The following ZFP2 variants were observed in gnomAD, a reference collection of about 807,000 sequenced individuals.
ZFP2 encodes zinc finger protein ZFP2.
In ZFP2, 33 loss-of-function variants were observed where a neutral mutation model predicts 36.1. The observed-to-expected ratio is 0.92, with a 90% CI of 0.69 to 1.22. The LOEUF is 1.22. ZFP2 is among the 50% of genes most tolerant of loss of function. The pLI is 0.00. For synonymous variants in ZFP2, 170 were observed against 178.0 expected (o/e 0.96, Z 0.36); for missense variants, 522 against 551.4 (o/e 0.95, Z 0.53).
intron 1 of ZFP2, among the ~76,000 whole-genome samples, chr5:178,906,931 G>A (rs2113066058): frequency 6.6e-6 from 1 of 151,076 alleles, no homozygotes; most frequent in South Asian, 2.1e-4. Context: ...CCAAAGTGTT[G>A]GAAGCTGAAC....
At chr5:178,896,493 G>T (rs1757943591) in intron 1 of ZFP2, among the ~76,000 whole-genome samples, 1 of 152,164 alleles carries the variant, frequency 6.6e-6, no homozygotes, top group Admixed American at 6.5e-5. Flanking sequence ...GTGTAAACCG[G>T]GTCTCCGGAC....
chr5:178,926,817 C>T (rs1418106701), intron 4 of ZFP2, among the ~76,000 whole-genome samples: 2 of 152,146 alleles, frequency 1.3e-5, no homozygotes, highest in African/African-American at 4.8e-5. Context: ...CACGCCCGGC[C>T]ACCTGCTGGT....
rs1185309492 is a variant in ZFP2 at position 178,922,925 on chromosome 5, T to G, written c.-78+6215T>G. ...AGTATTTATAATAGAAAAAAAAATA[T>G]TGAAAGCTATATAATTTCCTCTAAG... On this transcript the variant is annotated intron_variant, in intron 4 of 4. Transcript: ENST00000361362. 1.3e-5 allele frequency among the ~76,000 whole-genome samples: 2 copies of G among 149,510 alleles called. 1 individual carries two copies. The highest frequency in any genetic ancestry group is 3.0e-5 in the Non-Finnish European group (2 of 66,618).
chr5:178,922,497 A>G (rs1465487142), intron 4 of ZFP2: 5 of 1,372,578 alleles, frequency 3.6e-6, no homozygotes, highest in Admixed American at 1.7e-5. Context: ...TTCAGTAGAA[A>G]TGGAGTTACA....
In ZFP2 at chr5:178,920,631, C is replaced by G. The variant is rs749854723; in HGVS notation, c.-78+3921C>G. On this transcript the variant is annotated intron_variant, in intron 4 of 4. Transcript: ENST00000361362. ...CAGCTTGGGCAACAGAGTGAGACTT[C>G]GTCTCAAAAAAAAAAAAAAAATTGT... is the stretch of plus-strand genomic sequence containing the variant. Among the ~76,000 whole-genome samples the G allele has an allele frequency of 2.1e-5, 3 of 145,788 alleles. No individual in the cohort carries two copies. In the East Asian group the frequency reaches 6.0e-4, roughly 29 times the overall value.
intron 4 of ZFP2, among the ~76,000 whole-genome samples, chr5:178,920,562 G>T (rs140354184): frequency 2.0e-5 from 3 of 151,926 alleles, no homozygotes; most frequent in Non-Finnish European, 4.4e-5. Context: ...GCTTGAACCC[G>T]GGAGGTAGAG....
intron 1 of ZFP2, among the ~76,000 whole-genome samples, chr5:178,896,252 GC>G (rs1757934481): frequency 1.3e-5 from 2 of 152,212 alleles, no homozygotes; most frequent in African/African-American, 4.8e-5. Flanking sequence ...TGGAATCACA[GC>G]CCCGGAGCAG....
chr5:178,926,523 C>CT (rs34847670), intron 4 of ZFP2, among the ~76,000 whole-genome samples: 31,903 of 146,966 alleles, frequency 0.22, 3,603 homozygotes, highest in Non-Finnish European at 0.24. Flanking sequence ...CTGGTATTTT[C>CT]TTTTTTTTTT....
intron 4 of ZFP2, among the ~76,000 whole-genome samples, chr5:178,930,314 C>CTTTTTTTTTTTTTTTTTT (rs990713790): frequency 2.1e-4 from 15 of 71,324 alleles, no homozygotes; most frequent in Middle Eastern, 0.014. Context: ...TTTCCCTTTC[C>CTTTTTTTTTTTTTTTTTT]TTTTTTTTTT....
intron 4 of ZFP2, among the ~76,000 whole-genome samples, chr5:178,929,926 A>G (rs973295954): frequency 6.5e-5 from 9 of 138,076 alleles, no homozygotes; most frequent in Middle Eastern, 3.6e-3. Flanking sequence ...GCATAGTGCC[A>G]GCATCTGCTT....
intron 1 of ZFP2, among the ~76,000 whole-genome samples, chr5:178,900,538 C>A (rs35281641): frequency 1.1e-4 from 5 of 43,654 alleles, no homozygotes; most frequent in Non-Finnish European, 2.2e-4. Flanking sequence ...CCCCAGCCAG[C>A]CAGTGTCCTC....
At chr5:178,923,762 CT>C (rs1260775355) in intron 4 of ZFP2, among the ~76,000 whole-genome samples, 1 of 133,350 alleles carries the variant, frequency 7.5e-6, no homozygotes, top group African/African-American at 2.7e-5. Context: ...TTTTTTTTTT[CT>C]TTCGTAAGCA....
At chr5:178,905,233 T>C (rs552040325) in intron 1 of ZFP2, among the ~76,000 whole-genome samples, 1 of 152,334 alleles carries the variant, frequency 6.6e-6, no homozygotes, top group Admixed American at 6.5e-5. Flanking sequence ...AAATGATACT[T>C]TATTCTATTC....
At chr5:178,899,678 C>T (rs991107153) in intron 1 of ZFP2, among the ~76,000 whole-genome samples, 1 of 151,866 alleles carries the variant, frequency 6.6e-6, no homozygotes, top group Non-Finnish European at 1.5e-5. Context: ...AAGTAGTGTC[C>T]GTGAGATGGA....
At chr5:178,898,454 T>C (rs1295868902) in intron 1 of ZFP2, among the ~76,000 whole-genome samples, 1 of 152,248 alleles carries the variant, frequency 6.6e-6, no homozygotes, top group Non-Finnish European at 1.5e-5. Flanking sequence ...TGAAGTGAAC[T>C]TAATACATGA....
At chr5:178,913,464 T>C (rs909011677) in intron 3 of ZFP2, among the ~76,000 whole-genome samples, 4 of 152,218 alleles carry the variant, frequency 2.6e-5, no homozygotes, top group African/African-American at 9.6e-5. Flanking sequence ...CATAGCTTCC[T>C]TTCTGTCATT....
chr5:178,932,773 C>A lies in ZFP2; in HGVS notation c.*74C>A. ...TCATATGAGACATACAATGTAGAAA[C>A]CTAATAAATGTAATGATTGTGGGAA... On this transcript the variant is annotated 3_prime_UTR_variant, in exon 5 of 5. Coordinates refer to ENST00000361362, the MANE Select transcript of ZFP2 (RefSeq NM_030613.4). 1 of 1,485,006 alleles carries A rather than the reference C, an allele frequency of 6.7e-7. No homozygotes were observed. The highest frequency in any genetic ancestry group is 9.0e-7 in the Non-Finnish European group (1 of 1,113,250). The allele number at this position is 1,485,006 out of a possible 1,614,324, so 92.0% of individuals were successfully genotyped here.
chr5:178,908,596 T>G (rs1009051841), intron 1 of ZFP2, among the ~76,000 whole-genome samples: 1 of 86,126 alleles, frequency 1.2e-5, no homozygotes, highest in South Asian at 4.6e-4. Context: ...CATCCCCCCC[T>G]CCCTGCTCTA....
chr5:178,897,273 A>G (rs1302411896), intron 1 of ZFP2, among the ~76,000 whole-genome samples: 1 of 152,060 alleles, frequency 6.6e-6, no homozygotes, highest in African/African-American at 2.4e-5. Flanking sequence ...ATTCTCTTGA[A>G]CTTCTGAGAG....
Sources: allele counts gnomAD v4.1 joint callset (sites outside exome capture counted in the v4.1 genomes callset), GRCh38; gene constraint gnomAD v4.1.1; transcripts MANE v1.5; gene names NCBI Gene and HGNC (gene_info 2026-07-23, HGNC 2026-07-21).